The following STXBP5L variants were observed in gnomAD, a reference collection of about 807,000 sequenced individuals.
The protein encoded by STXBP5L is syntaxin-binding protein 5-like.
Under a neutral mutation model 144.5 loss-of-function variants are expected in STXBP5L, and 65 were observed. The observed-to-expected ratio is 0.45, with a 90% confidence interval of 0.37 to 0.55. STXBP5L has a LOEUF of 0.55. STXBP5L is among the 20% of genes least tolerant of loss of function. The pLI is 0.00. For synonymous variants in STXBP5L, 505 were observed against 469.6 expected (o/e 1.08, Z -0.97); for missense variants, 1,298 against 1,405.5 (o/e 0.92, Z 1.22).
intron 20 of STXBP5L, among the ~76,000 whole-genome samples, chr3:121,330,214 G>C (rs1030727533): frequency 2.0e-5 from 3 of 152,198 alleles, no homozygotes; most frequent in Non-Finnish European, 1.5e-5. Flanking sequence ...AACCTAGCTA[G>C]CTGCTGCTAG....
At chr3:120,958,989 T>G (rs1293108816) in intron 3 of STXBP5L, among the ~76,000 whole-genome samples, 2 of 152,202 alleles carry the variant, frequency 1.3e-5, no homozygotes, top group Non-Finnish European at 2.9e-5. Flanking sequence ...GTGACATGAT[T>G]GTATATCTAG....
chr3:121,111,147 T>A (rs759728851), intron 5 of STXBP5L, among the ~76,000 whole-genome samples: 34 of 152,222 alleles, frequency 2.2e-4, no homozygotes, highest in Non-Finnish European at 1.5e-5. Flanking sequence ...TAATGTTTTA[T>A]CATGGTTATT....
chr3:120,931,220 A>G (rs977529832), intron 2 of STXBP5L, among the ~76,000 whole-genome samples: 2 of 152,086 alleles, frequency 1.3e-5, no homozygotes, highest in African/African-American at 4.8e-5. Flanking sequence ...ATTGTCAGAA[A>G]GTGGGGTAAT....
intron 19 of STXBP5L, among the ~76,000 whole-genome samples, chr3:121,312,910 C>T (rs1432178050): frequency 1.3e-5 from 2 of 152,222 alleles, no homozygotes; most frequent in Non-Finnish European, 2.9e-5. Flanking sequence ...TTTCCCCACC[C>T]TTCCCGCCTT....
chr3:120,978,376 G>T (rs1261560050), intron 3 of STXBP5L, among the ~76,000 whole-genome samples: 1 of 152,152 alleles, frequency 6.6e-6, no homozygotes, highest in African/African-American at 2.4e-5. Flanking sequence ...TAGTTCTCAA[G>T]CCTTGGCTTT....
chr3:121,108,084 G>T (rs545180911), intron 5 of STXBP5L, among the ~76,000 whole-genome samples: 9 of 152,290 alleles, frequency 5.9e-5, no homozygotes, highest in Admixed American at 3.3e-4. Context: ...CTTTGCTGAA[G>T]TTGCTTATCA....
intron 9 of STXBP5L, among the ~76,000 whole-genome samples, chr3:121,173,063 A>G (rs1447659672): frequency 6.6e-6 from 1 of 152,138 alleles, no homozygotes; most frequent in Non-Finnish European, 1.5e-5. Flanking sequence ...CATTCTCAGT[A>G]AACTAACACA....
chr3:121,073,432 A>G (rs2041890285), intron 5 of STXBP5L, among the ~76,000 whole-genome samples: 3 of 152,346 alleles, frequency 2.0e-5, no homozygotes, highest in East Asian at 1.9e-4. Flanking sequence ...GCTTGTTAGC[A>G]TCTTCCACTA....
intron 5 of STXBP5L, among the ~76,000 whole-genome samples, chr3:121,093,488 G>C (rs529258745): frequency 1.3e-5 from 2 of 152,158 alleles, no homozygotes; most frequent in African/African-American, 2.4e-5. Flanking sequence ...ACTTCTTCCT[G>C]GTTTAGTCTT....
chr3:121,359,140 T>C (rs1241310127), intron 20 of STXBP5L, among the ~76,000 whole-genome samples: 2 of 152,138 alleles, frequency 1.3e-5, no homozygotes, highest in Non-Finnish European at 2.9e-5. Flanking sequence ...CTTTTGGATA[T>C]AAGCCATTTT....
chr3:121,064,445 C>A (rs1469557987), intron 5 of STXBP5L, among the ~76,000 whole-genome samples: 1 of 152,212 alleles, frequency 6.6e-6, no homozygotes, highest in African/African-American at 2.4e-5. Flanking sequence ...TCTTGCATTT[C>A]TGTTTAACAA....
intron 2 of STXBP5L, among the ~76,000 whole-genome samples, chr3:120,949,110 G>A (rs566628618): frequency 3.3e-5 from 5 of 152,074 alleles, no homozygotes; most frequent in African/African-American, 1.2e-4. Context: ...TCTTGCAGGA[G>A]TAAGGTGGTA....
intron 22 of STXBP5L, among the ~76,000 whole-genome samples, chr3:121,384,898 T>G (rs1387034135): frequency 6.6e-6 from 1 of 152,058 alleles, no homozygotes; most frequent in Non-Finnish European, 1.5e-5. Flanking sequence ...GGTGAGAAAT[T>G]TGTTAAAACT....
At chr3:121,305,112 C>T (rs1283963442) in intron 19 of STXBP5L, among the ~76,000 whole-genome samples, 1 of 152,038 alleles carries the variant, frequency 6.6e-6, no homozygotes, top group Admixed American at 6.6e-5. Flanking sequence ...CCAAATGTAA[C>T]ACCAAACACA....
intron 3 of STXBP5L, among the ~76,000 whole-genome samples, chr3:121,038,118 G>A (rs1255252490): frequency 1.3e-5 from 2 of 151,386 alleles, no homozygotes; most frequent in African/African-American, 2.4e-5. Flanking sequence ...TTTTTAAATT[G>A]TTGATCTGTT....
chr3:121,385,251 A>T (rs1003846725), intron 22 of STXBP5L, among the ~76,000 whole-genome samples: 1 of 152,122 alleles, frequency 6.6e-6, no homozygotes, highest in Non-Finnish European at 1.5e-5. Context: ...ACATTTGCTT[A>T]GCTTCTGGTG....
At chr3:120,978,936 A>T (rs1315884731) in intron 3 of STXBP5L, among the ~76,000 whole-genome samples, 2 of 152,060 alleles carry the variant, frequency 1.3e-5, no homozygotes, top group Admixed American at 1.3e-4. Flanking sequence ...CAGCCGTGTG[A>T]GGTGTCAGTC....
chr3:121,144,347 C>T (rs2045634229), intron 7 of STXBP5L, among the ~76,000 whole-genome samples: 1 of 151,628 alleles, frequency 6.6e-6, no homozygotes, highest in Non-Finnish European at 1.5e-5. Flanking sequence ...ACCACACACA[C>T]AAAGAATGCC....
At chr3:120,997,449 A>G (rs751016063) in intron 3 of STXBP5L, among the ~76,000 whole-genome samples, 13 of 152,102 alleles carry the variant, frequency 8.5e-5, no homozygotes, top group Non-Finnish European at 1.8e-4. Flanking sequence ...CTGTGCCAAT[A>G]TCTGTTATTT....
Sources: allele counts gnomAD v4.1 joint callset (sites outside exome capture counted in the v4.1 genomes callset), GRCh38; gene constraint gnomAD v4.1.1; transcripts MANE v1.5; gene names NCBI Gene and HGNC (gene_info 2026-07-23, HGNC 2026-07-21).